TRHDE: variants seen among roughly 807,000 people sequenced by gnomAD.
TRHDE encodes the protein thyrotropin releasing hormone degrading enzyme.
TRHDE carries 72 observed loss-of-function variants against 125.7 expected under a neutral mutation model. The observed-to-expected ratio is 0.57, with a 90% CI of 0.47 to 0.70. TRHDE has a LOEUF of 0.70. Among genes scored for constraint, TRHDE ranks in the 30% least tolerant of loss-of-function variants. TRHDE has a pLI of 0.00. For missense variants in TRHDE, 1,110 were observed against 1,327.1 expected, an observed-to-expected ratio of 0.84 and a Z score of 2.54; for synonymous variants, 509 against 509.1, an observed-to-expected ratio of 1.00 and a Z score of 0.00.
chr12:72,625,047 G>T (rs555026827), intron 15 of TRHDE, among the ~76,000 whole-genome samples: 2 of 151,656 alleles, frequency 1.3e-5, no homozygotes, highest in African/African-American at 4.8e-5. Context: ...AGAAATAATA[G>T]GCCTAAGTCT....
At chr12:72,222,822 C>G (rs1298692228) in intron 2 of TRHDE, among the ~76,000 whole-genome samples, 1 of 152,026 alleles carries the variant, frequency 6.6e-6, no homozygotes, top group African/African-American at 2.4e-5. Context: ...TGAATTTCAG[C>G]CAGCCTGCAC....
intron 2 of TRHDE, among the ~76,000 whole-genome samples, chr12:72,319,082 G>A (rs984958962): frequency 6.6e-6 from 1 of 152,128 alleles, no homozygotes; most frequent in Admixed American, 6.5e-5. Context: ...AGGATGGGAG[G>A]TCACCAGTAA....
At chr12:72,423,757 T>G (rs1258576725) in intron 3 of TRHDE, among the ~76,000 whole-genome samples, 1 of 152,012 alleles carries the variant, frequency 6.6e-6, no homozygotes, top group Non-Finnish European at 1.5e-5. Context: ...TCTCCTAGAT[T>G]GTCTAGGTGT....
intron 2 of TRHDE, among the ~76,000 whole-genome samples, chr12:72,328,833 T>C (rs951930305): frequency 6.6e-6 from 1 of 152,194 alleles, no homozygotes; most frequent in Admixed American, 6.5e-5. Flanking sequence ...ATAATCCTTT[T>C]TGAGTAAATA....
chr12:72,639,461 T>C (rs1478943777), intron 15 of TRHDE, among the ~76,000 whole-genome samples: 2 of 152,240 alleles, frequency 1.3e-5, no homozygotes, highest in Non-Finnish European at 2.9e-5. Context: ...TGTCCTCCCG[T>C]AGCTCGGAGT....
At chr12:72,636,655 C>T (rs1873768685) in intron 15 of TRHDE, among the ~76,000 whole-genome samples, 3 of 152,104 alleles carry the variant, frequency 2.0e-5, no homozygotes, top group Admixed American at 6.5e-5. Context: ...ATAGATAGCT[C>T]TTATTATTTT....
At chr12:72,162,928 G>A (rs190650248) in intron 2 of TRHDE, 1 of 144,494 alleles carries the variant, frequency 6.9e-6, no homozygotes, top group East Asian at 2.1e-4. Context: ...TTCAAATTGT[G>A]TTTGTGAACG....
Position 72,469,928 on chromosome 12 carries a change from T to C in TRHDE, c.1470+16T>C. The C allele has an allele frequency of 6.2e-7, 1 of 1,612,864 alleles. No individual in the cohort carries two copies. The highest frequency in any genetic ancestry group is 1.7e-4 in the Middle Eastern group (1 of 6,056). On this transcript the variant is annotated intron_variant, in intron 4 of 18. Transcript: ENST00000261180. Reference sequence around the variant, plus strand: ...ATGTCACCAGGTATGAGAAAAAGAATCAGGTGTAAGTATAATGTGAAAGCT... The same window carrying C: ...ATGTCACCAGGTATGAGAAAAAGAACCAGGTGTAAGTATAATGTGAAAGCT...
intron 2 of TRHDE, among the ~76,000 whole-genome samples, chr12:72,149,171 G>A (rs558411697): frequency 6.2e-4 from 95 of 152,102 alleles, no homozygotes; most frequent in African/African-American, 2.2e-3. Context: ...ACCTGACTGC[G>A]AGGAGTCCAA....
chr12:72,125,345 A>T (rs1213407001), intron 2 of TRHDE, among the ~76,000 whole-genome samples: 1 of 151,904 alleles, frequency 6.6e-6, no homozygotes, highest in African/African-American at 2.4e-5. Flanking sequence ...ATGCTTTCTT[A>T]TGGTTGTTTC....
intron 2 of TRHDE, among the ~76,000 whole-genome samples, chr12:72,153,240 A>C (rs970702861): frequency 1.3e-5 from 2 of 151,334 alleles, no homozygotes; most frequent in African/African-American, 4.9e-5. Flanking sequence ...ATTGGTGGTG[A>C]TCTCCCCTTT....
At chr12:72,496,362 TC>T (rs1463038829) in intron 5 of TRHDE, among the ~76,000 whole-genome samples, 1 of 152,180 alleles carries the variant, frequency 6.6e-6, no homozygotes, top group East Asian at 1.9e-4. Flanking sequence ...GACTCACAGT[TC>T]CACATGGCTG....
At chr12:72,515,096 A>G (rs1302146981) in intron 6 of TRHDE, among the ~76,000 whole-genome samples, 2 of 130,638 alleles carry the variant, frequency 1.5e-5, no homozygotes, top group Non-Finnish European at 3.1e-5. Flanking sequence ...TGCAATAAAC[A>G]TACGTGTGCA....
At chr12:72,470,664 A>G (rs1294176370) in intron 4 of TRHDE, among the ~76,000 whole-genome samples, 1 of 152,074 alleles carries the variant, frequency 6.6e-6, no homozygotes, top group Non-Finnish European at 1.5e-5. Context: ...AACTTATAAC[A>G]CCAGATATCT....
chr12:72,370,699 T>A (rs1369080775), intron 2 of TRHDE, among the ~76,000 whole-genome samples: 1 of 152,122 alleles, frequency 6.6e-6, no homozygotes, highest in Non-Finnish European at 1.5e-5. Flanking sequence ...TCTGGCTTAA[T>A]ATCCTCCTAT....
chr12:72,463,900 T>C (rs1476988442), intron 3 of TRHDE, among the ~76,000 whole-genome samples: 1 of 152,206 alleles, frequency 6.6e-6, no homozygotes, highest in Non-Finnish European at 1.5e-5. Flanking sequence ...GTATGTACTA[T>C]TGAACAGACC....
At chr12:72,415,735 G>T (rs934359530) in intron 3 of TRHDE, among the ~76,000 whole-genome samples, 1 of 151,916 alleles carries the variant, frequency 6.6e-6, no homozygotes, top group Admixed American at 6.6e-5. Context: ...TACTTTAAAC[G>T]GCTGTATATT....
intron 2 of TRHDE, among the ~76,000 whole-genome samples, chr12:72,137,213 A>G (rs1876006025): frequency 6.6e-6 from 1 of 152,198 alleles, no homozygotes; most frequent in Non-Finnish European, 1.5e-5. Flanking sequence ...CATGTGTGAG[A>G]CAGATTCTCA....
intron 2 of TRHDE, among the ~76,000 whole-genome samples, chr12:72,345,217 T>C (rs1416037206): frequency 1.3e-5 from 2 of 152,176 alleles, no homozygotes. Flanking sequence ...ATTTTAAAGA[T>C]TAATTGGTTT....
Sources: allele counts gnomAD v4.1 joint callset (sites outside exome capture counted in the v4.1 genomes callset), GRCh38; gene constraint gnomAD v4.1.1; transcripts MANE v1.5; gene names NCBI Gene and HGNC (gene_info 2026-07-23, HGNC 2026-07-21).